CAMTA1: variants seen among roughly 807,000 people sequenced by gnomAD.
CAMTA1 encodes the protein calmodulin-binding transcription activator 1.
In CAMTA1, 27 loss-of-function variants were observed where a neutral mutation model predicts 170.9. The ratio of observed to expected loss-of-function variants is 0.16; its 90% CI spans 0.12 to 0.22. The LOEUF is 0.22. Among genes scored for constraint, CAMTA1 ranks in the 10% least tolerant of loss-of-function variants. The pLI is 1.00. For missense variants in CAMTA1, 1,619 were observed against 2,217.2 expected (o/e 0.73, Z 5.42); for synonymous variants, 833 against 891.5 (o/e 0.93, Z 1.17).
intron 6 of CAMTA1, among the ~76,000 whole-genome samples, chr1:7,586,101 AG>A (rs2095307344): frequency 6.6e-6 from 1 of 151,966 alleles, no homozygotes; most frequent in African/African-American, 2.4e-5. Flanking sequence ...AGCCTGGAGG[AG>A]GAGGAAGGCG....
chr1:7,459,857 A>G (rs1172757734), intron 5 of CAMTA1, among the ~76,000 whole-genome samples: 1 of 152,238 alleles, frequency 6.6e-6, no homozygotes, highest in Non-Finnish European at 1.5e-5. Flanking sequence ...AGCGCAGGGA[A>G]GGCATACAGA....
chr1:7,632,849 G>A (rs551529729), intron 6 of CAMTA1, among the ~76,000 whole-genome samples: 2 of 152,372 alleles, frequency 1.3e-5, no homozygotes, highest in Admixed American at 6.5e-5. Flanking sequence ...GGCTGATTGC[G>A]CACGCCCAGG....
chr1:7,595,301 T>C (rs2095391035), intron 6 of CAMTA1, among the ~76,000 whole-genome samples: 1 of 152,200 alleles, frequency 6.6e-6, no homozygotes, highest in African/African-American at 2.4e-5. Flanking sequence ...ATTTGAGTAA[T>C]TTTCATCGTA....
At chr1:6,900,338 C>T (rs556396651) in intron 3 of CAMTA1, among the ~76,000 whole-genome samples, 1 of 152,234 alleles carries the variant, frequency 6.6e-6, no homozygotes, top group East Asian at 1.9e-4. Flanking sequence ...GAGACAGCCT[C>T]CTGTCATCCC....
chr1:6,787,838 A>G (rs1639861776), intron 1 of CAMTA1, among the ~76,000 whole-genome samples: 1 of 152,236 alleles, frequency 6.6e-6, no homozygotes, highest in South Asian at 2.1e-4. Context: ...TTGATTCTGC[A>G]TAGAGTGAAA....
chr1:7,146,873 CACAG>C lies in CAMTA1; in HGVS notation c.302+55506_302+55509del, dbSNP rs1379694990. Among the ~76,000 whole-genome samples, 3 of 151,946 alleles carry C rather than the reference CACAG, an allele frequency of 2.0e-5. No individual in the cohort carries two copies. The highest frequency in any genetic ancestry group is 2.1e-4 in the South Asian group (1 of 4,818). ...CACAAACACAAAGACACAACATGTA[CACAG>C]ACACTCAAACATATGCCGTGCATAC... On this transcript the variant is annotated intron_variant, in intron 4 of 22. Coordinates refer to ENST00000303635, the MANE Select transcript of CAMTA1 (RefSeq NM_015215.4). The surrounding 1 kb of genome is among the most constrained non-coding windows in gnomAD (Gnocchi z 4.3).
At chr1:6,925,736 C>T (rs1456297005) in intron 3 of CAMTA1, among the ~76,000 whole-genome samples, 1 of 152,182 alleles carries the variant, frequency 6.6e-6, no homozygotes, top group East Asian at 1.9e-4. Context: ...AAGTGGAGCC[C>T]TGGTCCCACT....
chr1:7,309,222 G>A (rs964252345), intron 5 of CAMTA1, among the ~76,000 whole-genome samples: 4 of 148,932 alleles, frequency 2.7e-5, no homozygotes, highest in African/African-American at 5.0e-5. Flanking sequence ...ACAACACATC[G>A]TTGGGTCATG....
rs2149221575 is a variant in CAMTA1, at chr1:7,670,917, G to A, written c.2659G>A (p.Val887Met). ...CCCTCTCTGTTCTCTGCAGGGAGGA[G>A]TGAAGGTCCTCATCACAGGCCCGTG... ...SPEWSYPEGG[V>M]KVLITGPWQE... The change falls in exon 10 of 23, where the codon GTG becomes ATG. Residue 887 changes from valine (V) to methionine (M), a missense_variant. By Grantham distance (21) the Val-to-Met change is conservative (BLOSUM62 1). This residue lies in a region of CAMTA1 where 29 missense variants were observed against 70.9 expected (regional missense o/e 0.41). Transcript: ENST00000303635. The A allele has an allele frequency of 1.9e-6, 3 of 1,613,780 alleles. No individual in the cohort carries two copies. Among genetic ancestry groups the A allele is most frequent in the Non-Finnish European group, 2.5e-6 (3 of 1,179,954 alleles).
intron 4 of CAMTA1, among the ~76,000 whole-genome samples, chr1:7,188,651 C>G (rs1383098180): frequency 6.6e-6 from 1 of 152,200 alleles, no homozygotes; most frequent in Non-Finnish European, 1.5e-5. Context: ...AACTATCCTT[C>G]CTTTTTAAGG....
chr1:7,512,567 T>G (rs1419274614), intron 6 of CAMTA1, among the ~76,000 whole-genome samples: 1 of 152,200 alleles, frequency 6.6e-6, no homozygotes, highest in Non-Finnish European at 1.5e-5. Flanking sequence ...GCCCTGGACC[T>G]GGACTGGGGC....
chr1:7,488,719 C>T (rs1362523152), intron 6 of CAMTA1, among the ~76,000 whole-genome samples: 2 of 152,016 alleles, frequency 1.3e-5, no homozygotes, highest in African/African-American at 4.8e-5. Context: ...GCATACATAC[C>T]CATAGTACAC....
At chr1:6,914,103 T>TC (rs1491335940) in intron 3 of CAMTA1, among the ~76,000 whole-genome samples, 3 of 40,788 alleles carry the variant, frequency 7.4e-5, no homozygotes, top group East Asian at 4.8e-4. Context: ...GGCTCATCTC[T>TC]TTTTTTTTTT....
Position 7,588,368 on chromosome 1 carries a change from G to A in CAMTA1, c.511-52032G>A, listed in dbSNP as rs553851822. 6.6e-6 allele frequency among the ~76,000 whole-genome samples: 1 copy of A among 151,118 alleles called. No homozygotes were observed. The highest frequency in any genetic ancestry group is 1.9e-4 in the East Asian group (1 of 5,170). On this transcript the variant is annotated intron_variant, in intron 6 of 22. Coordinates refer to ENST00000303635, the MANE Select transcript of CAMTA1 (RefSeq NM_015215.4). This position sits in a 1 kb window ranked among gnomAD's most constrained non-coding sequence, Gnocchi z 5.8. ...GCCCTTTGCTCTGCCACACACAGTC[G>A]GGATGGTCCGGGCGGGGGATGGCCC...
At chr1:6,875,288 A>G (rs932866204) in intron 3 of CAMTA1, among the ~76,000 whole-genome samples, 1 of 151,710 alleles carries the variant, frequency 6.6e-6, no homozygotes, top group Non-Finnish European at 1.5e-5. Flanking sequence ...CAGCCATCAG[A>G]CCTTTTTTTG....
intron 4 of CAMTA1, among the ~76,000 whole-genome samples, chr1:7,131,565 G>T (rs1645258712): frequency 2.1e-5 from 3 of 143,538 alleles, no homozygotes. Context: ...GATTATTCCT[G>T]CACTATTTGT....
At chr1:7,396,683 T>C (rs56040110) in intron 5 of CAMTA1, among the ~76,000 whole-genome samples, 4,650 of 152,320 alleles carry the variant, frequency 0.031, 165 homozygotes, top group African/African-American at 0.082. Context: ...TATATCTGAT[T>C]TTTAAAGAGT....
chr1:7,583,654 C>T (rs1250105541), intron 6 of CAMTA1, among the ~76,000 whole-genome samples: 1 of 152,190 alleles, frequency 6.6e-6, no homozygotes, highest in Non-Finnish European at 1.5e-5. Flanking sequence ...ACACTCTCTG[C>T]CGCCTCTGGG....
Position 6,790,282 on chromosome 1 carries a change from G to T in CAMTA1, c.45+4707G>T, listed in dbSNP as rs1640686865. Among the ~76,000 whole-genome samples, 3 of 152,110 alleles carry T rather than the reference G, an allele frequency of 2.0e-5. No individual in the cohort carries two copies. In the South Asian group the frequency reaches 6.2e-4, roughly 32 times the overall value. ...ACCTTTTTTCCTCCTCAGCAGGAGT[G>T]GGGGTGGTGAAGAGGGTGGGAGGGT... On this transcript the variant is annotated intron_variant, in intron 1 of 22. Coordinates refer to ENST00000303635, the MANE Select transcript of CAMTA1 (RefSeq NM_015215.4).
Sources: gnomAD v4.1 joint callset for allele counts (sites outside exome capture counted in the v4.1 genomes callset) on GRCh38, gnomAD v4.1.1 for gene constraint, gnomAD v4.1.1 regional missense constraint, Gnocchi (gnomAD v3.1) non-coding constraint, MANE v1.5 for transcripts, NCBI Gene and HGNC (gene_info 2026-07-23, HGNC 2026-07-21) for gene names.